DCDC2C: variants seen among roughly 807,000 people sequenced by gnomAD.
The protein encoded by DCDC2C is doublecortin domain-containing protein 2C.
A neutral mutation model predicts 45.0 loss-of-function variants in DCDC2C; 44 were observed. The observed-to-expected ratio is 0.98, with a 90% CI of 0.77 to 1.26. The LOEUF is 1.26. Ranked by LOEUF, DCDC2C falls within the 50% of genes most tolerant of loss-of-function variation. DCDC2C has a pLI of 0.00. For synonymous variants in DCDC2C, 187 were observed against 178.8 expected (o/e 1.05, Z -0.37); for missense variants, 447 against 468.9 (o/e 0.95, Z 0.43).
At chr2:3,739,285 TG>T (rs1254243901) in intron 3 of DCDC2C, among the ~76,000 whole-genome samples, 2 of 152,154 alleles carry the variant, frequency 1.3e-5, no homozygotes, top group East Asian at 3.9e-4. Flanking sequence ...AGGGAACTGC[TG>T]GGGACAGGAG....
At position 3,847,358 on chromosome 2, in the gene DCDC2C, C is replaced by G; in HGVS notation, c.*175C>G. ...GTTTCATAATTGAGCTCCATTTCTTCTTATTCCCTTTCTCAGTGATATTTC... is the reference window on the plus strand; with the variant it reads ...GTTTCATAATTGAGCTCCATTTCTTGTTATTCCCTTTCTCAGTGATATTTC... On this transcript the variant is annotated 3_prime_UTR_variant, in exon 11 of 11. Coordinates refer to ENST00000399143, the MANE Select transcript of DCDC2C (RefSeq NM_001287444.2). The G allele has an allele frequency of 5.0e-6, 2 of 396,696 alleles. No homozygotes were observed. Among genetic ancestry groups the G allele is most frequent in the Non-Finnish European group, 4.4e-6 (1 of 227,474 alleles). The allele number at this position is 396,696 out of a possible 1,614,324, so 24.6% of individuals were successfully genotyped here.
intron 4 of DCDC2C, among the ~76,000 whole-genome samples, chr2:3,745,071 C>CA (rs1385149387): frequency 6.6e-6 from 1 of 152,156 alleles, no homozygotes; most frequent in East Asian, 1.9e-4. Flanking sequence ...CTGCAACCTC[C>CA]ACCTCCCAGG....
chr2:3,727,610 G>A (rs11123614), intron 3 of DCDC2C, among the ~76,000 whole-genome samples: 3,703 of 152,322 alleles, frequency 0.024, 125 homozygotes, highest in East Asian at 0.09. Flanking sequence ...CTGGGATGCC[G>A]CTGGCAGTGC....
intron 8 of DCDC2C, among the ~76,000 whole-genome samples, chr2:3,776,803 G>A (rs1226843037): frequency 2.6e-5 from 4 of 152,200 alleles, no homozygotes; most frequent in Non-Finnish European, 5.9e-5. Flanking sequence ...AAGCTCAGCA[G>A]AGTGAGAATG....
chr2:3,754,676 T>G lies in DCDC2C; in HGVS notation c.726+42T>G, dbSNP rs2148128969. 3 of 1,503,966 alleles carry G rather than the reference T, an allele frequency of 2.0e-6. No homozygotes were observed. The East Asian group carries it at 7.4e-5, about 37-fold the overall frequency. The allele number at this position is 1,503,966 out of a possible 1,614,324, so 93.2% of individuals were successfully genotyped here. Reference sequence around the variant, plus strand: ...AACAAGTAAGTAACTTGTTTCTGATTCTGGCGTCTTCTGGCATTAACAAGG... The same window carrying G: ...AACAAGTAAGTAACTTGTTTCTGATGCTGGCGTCTTCTGGCATTAACAAGG... On this transcript the variant is annotated intron_variant, in intron 6 of 10. Transcript: ENST00000399143.
intron 10 of DCDC2C, among the ~76,000 whole-genome samples, chr2:3,800,605 T>TTGCACCCATAGCTTTACCTGCC (rs1429693442): frequency 1.3e-5 from 2 of 149,720 alleles, no homozygotes; most frequent in Non-Finnish European, 3.0e-5. Flanking sequence ...CACAATCACA[T>TTGCACCCATAGCTTTACCTGCC]AAGTGCTTTT....
At chr2:3,788,494 A>G (rs1242805938) in intron 10 of DCDC2C, 1 of 152,214 alleles carries the variant, frequency 6.6e-6, no homozygotes, top group Non-Finnish European at 1.5e-5. Context: ...CAACGTGTAT[A>G]AGAAGATAAT....
At chr2:3,816,566 T>C (rs532405230) in intron 10 of DCDC2C, among the ~76,000 whole-genome samples, 22 of 152,048 alleles carry the variant, frequency 1.4e-4, no homozygotes, top group African/African-American at 5.3e-4. Flanking sequence ...GATAGTGTGG[T>C]GGAGATAGCT....
chr2:3,741,965 T>G lies in DCDC2C; in HGVS notation c.462T>G (p.Ile154Met). 1.3e-6 allele frequency: 2 copies of G among 1,549,188 alleles called. No homozygotes were observed. Among genetic ancestry groups the G allele is most frequent in the South Asian group, 2.4e-5 (2 of 83,494 alleles). The change falls in exon 4 of 11, where the codon ATT becomes ATG. Residue 154 changes from isoleucine (I) to methionine (M), a missense_variant. By Grantham distance (10) the Ile-to-Met change is conservative. Transcript: ENST00000399143. ...GRLFIPPAKI[I>M]IPKFSLSDWD... ...TATTTATTCCACCTGCAAAAATCATTATACCCAAATTTAGTCTGTCCGATT... is the reference window on the plus strand; with the variant it reads ...TATTTATTCCACCTGCAAAAATCATGATACCCAAATTTAGTCTGTCCGATT...
At chr2:3,755,547 A>G (rs1003269774) in intron 6 of DCDC2C, among the ~76,000 whole-genome samples, 4 of 150,684 alleles carry the variant, frequency 2.7e-5, no homozygotes, top group African/African-American at 9.7e-5. Flanking sequence ...ATGTGTAGGG[A>G]TGTATGTGTG....
At chr2:3,755,207 G>A (rs1572589348) in intron 6 of DCDC2C, among the ~76,000 whole-genome samples, 1 of 152,036 alleles carries the variant, frequency 6.6e-6, no homozygotes, top group Admixed American at 6.5e-5. Flanking sequence ...ATGTGTGCAT[G>A]GGTGCATATG....
chr2:3,755,340 T>C (rs867719819), intron 6 of DCDC2C, among the ~76,000 whole-genome samples: 7 of 152,182 alleles, frequency 4.6e-5, no homozygotes, highest in African/African-American at 1.4e-4. Flanking sequence ...CATGCATGTA[T>C]AGATGCATAT....
At chr2:3,751,395 T>C (rs898597957) in intron 4 of DCDC2C, among the ~76,000 whole-genome samples, 5 of 152,174 alleles carry the variant, frequency 3.3e-5, no homozygotes, top group Non-Finnish European at 5.9e-5. Flanking sequence ...AAGCCTCTGC[T>C]CCAGGTGGGC....
At chr2:3,766,459 A>G (rs928258255) in intron 6 of DCDC2C, among the ~76,000 whole-genome samples, 1 of 152,086 alleles carries the variant, frequency 6.6e-6, no homozygotes, top group African/African-American at 2.4e-5. Context: ...AGCACCATAT[A>G]CCATTTTCTG....
At chr2:3,715,717 C>T (rs1451644660) in intron 2 of DCDC2C, among the ~76,000 whole-genome samples, 1 of 152,156 alleles carries the variant, frequency 6.6e-6, no homozygotes, top group Non-Finnish European at 1.5e-5. Context: ...GTACTAAGCC[C>T]AACGGTTTTT....
chr2:3,791,229 C>T (rs1022337155), intron 10 of DCDC2C, among the ~76,000 whole-genome samples: 2 of 152,202 alleles, frequency 1.3e-5, no homozygotes, highest in African/African-American at 2.4e-5. Context: ...AAAAGATGCT[C>T]TGGGCAGTGC....
At chr2:3,777,114 C>T (rs892803162) in intron 8 of DCDC2C, among the ~76,000 whole-genome samples, 5 of 152,230 alleles carry the variant, frequency 3.3e-5, no homozygotes, top group Non-Finnish European at 5.9e-5. Context: ...TGAAGCTCAG[C>T]GCTTCTTCCT....
At chr2:3,815,673 C>T (rs990757940) in intron 10 of DCDC2C, among the ~76,000 whole-genome samples, 18 of 152,166 alleles carry the variant, frequency 1.2e-4, no homozygotes, top group African/African-American at 2.9e-4. Flanking sequence ...GGGATGGGGC[C>T]GTTTTATAGG....
intron 1 of DCDC2C, among the ~76,000 whole-genome samples, chr2:3,707,381 G>A (rs1668091215): frequency 6.6e-6 from 1 of 152,122 alleles, no homozygotes; most frequent in African/African-American, 2.4e-5. Context: ...TGGGAATTTA[G>A]AACAAATTTA....
Sources: gnomAD v4.1 joint callset for allele counts (sites outside exome capture counted in the v4.1 genomes callset) on GRCh38, gnomAD v4.1.1 for gene constraint, MANE v1.5 for transcripts, NCBI Gene and HGNC (gene_info 2026-07-23, HGNC 2026-07-21) for gene names.